Variants in HYDIN observed in about 807,000 individuals in gnomAD.
The protein encoded by HYDIN is HYDIN axonemal central pair apparatus protein, also known as axonemal central pair apparatus protein HYDIN.
In HYDIN, 132 loss-of-function variants were observed where a neutral mutation model predicts 403.9. That is an observed-to-expected ratio of 0.33 (90% CI 0.28 to 0.38). The LOEUF is 0.38. Ranked by LOEUF, HYDIN falls within the 10% of genes least tolerant of loss-of-function variation. HYDIN has a pLI of 1.00. For missense variants in HYDIN, 2,827 were observed against 5,009.5 expected, an observed-to-expected ratio of 0.56 and a Z score of 13.15; for synonymous variants, 1,202 against 1,891.7, an observed-to-expected ratio of 0.64 and a Z score of 9.46.
At chr16:71,038,799 C>T (rs1188247419) in intron 18 of HYDIN, among the ~76,000 whole-genome samples, 2 of 151,712 alleles carry the variant, frequency 1.3e-5, no homozygotes. Context: ...TAGCTGATTA[C>T]AGGCATGTGC....
intron 41 of HYDIN, among the ~76,000 whole-genome samples, chr16:70,946,893 T>C (rs536517567): frequency 6.6e-6 from 1 of 152,310 alleles, no homozygotes; most frequent in East Asian, 1.9e-4. Context: ...TGATTTTGTA[T>C]CCTGAGACTT....
At chr16:71,011,194 A>C (rs2080070151) in intron 23 of HYDIN, among the ~76,000 whole-genome samples, 1 of 152,024 alleles carries the variant, frequency 6.6e-6, no homozygotes, top group Non-Finnish European at 1.5e-5. Context: ...AACAGCCACC[A>C]ATTTGGGAGT....
At chr16:70,992,423 TA>T (rs1355156902) in intron 23 of HYDIN, among the ~76,000 whole-genome samples, 3 of 138,486 alleles carry the variant, frequency 2.2e-5, no homozygotes, top group African/African-American at 8.9e-5. Flanking sequence ...ACTACCAGTC[TA>T]GGCCCAACTT....
rs559045097 is a variant in HYDIN, at chr16:70,822,575, A to G, written c.14428-4003T>C. Among the ~76,000 whole-genome samples, 5 of 152,358 alleles carry G rather than the reference A, an allele frequency of 3.3e-5. No individual in the cohort carries two copies. The South Asian group carries it at 1.0e-3, about 32-fold the overall frequency. ...TTGAAAGAAGTTATATTGTGGGTAA[A>G]ATGCTTTCAAACAGCATCACATGTT... On this transcript the variant is annotated intron_variant, in intron 83 of 85. Transcript: ENST00000393567.
At chr16:71,100,202 T>C (rs2083413713) in intron 10 of HYDIN, among the ~76,000 whole-genome samples, 1 of 152,172 alleles carries the variant, frequency 6.6e-6, no homozygotes, top group Non-Finnish European at 1.5e-5. Flanking sequence ...GCAAAAGTTG[T>C]AAAACTTTAT....
chr16:70,997,375 G>GT (rs1425217313), intron 23 of HYDIN, among the ~76,000 whole-genome samples: 1 of 139,354 alleles, frequency 7.2e-6, no homozygotes, highest in Non-Finnish European at 1.5e-5. Context: ...TGGGAGCAGC[G>GT]TATGTGTAGG....
chr16:70,808,061 G>A lies in HYDIN; in HGVS notation c.14885C>T (p.Thr4962Ile), dbSNP rs1193125051. The A allele has an allele frequency of 1.9e-6, 3 of 1,598,602 alleles. No individual in the cohort carries two copies. In the African/African-American group the frequency reaches 4.0e-5, roughly 21 times the overall value. ...TRQRTEYYCR[T>I]DCTDFHAEKL... Reference sequence around the variant, plus strand: ...TTCTGCGTGGAAGTCTGTACAGTCGGTCTGAAAGGGGAACAAACAAACTCA... The same window carrying A: ...TTCTGCGTGGAAGTCTGTACAGTCGATCTGAAAGGGGAACAAACAAACTCA... The change falls in exon 86 of 86, where the codon ACC (threonine) becomes ATC (isoleucine). Residue 4962 changes from threonine to isoleucine, a missense_variant and splice_region_variant. Transcript: ENST00000393567.
At position 70,988,937 on chromosome 16, in the gene HYDIN, G is replaced by T. The variant is rs527405654; in HGVS notation, c.3865-425C>A. Among the ~76,000 whole-genome samples the T allele has an allele frequency of 8.4e-4, 128 of 151,966 alleles. 1 individual carries two copies. Among genetic ancestry groups the T allele is most frequent in the African/African-American group, 3.0e-3 (124 of 41,382 alleles). On this transcript the variant is annotated intron_variant, in intron 25 of 85. Transcript: ENST00000393567. ...GGCAAATAGAAATATCTGGGAGGTT[G>T]TTTGCTAAGAATTTCGTAGCATTTT...
At chr16:71,073,198 G>A (rs144319423) in intron 13 of HYDIN, among the ~76,000 whole-genome samples, 2,772 of 152,202 alleles carry the variant, frequency 0.018, 64 homozygotes, top group African/African-American at 0.06. Context: ...GATGCCTGAC[G>A]TTACTGATTC....
intron 10 of HYDIN, among the ~76,000 whole-genome samples, chr16:71,099,881 T>C (rs755360070): frequency 1.3e-5 from 2 of 152,212 alleles, no homozygotes; most frequent in East Asian, 1.9e-4. Flanking sequence ...AGTGAGCCTG[T>C]AGTCCCAGCT....
intron 8 of HYDIN, among the ~76,000 whole-genome samples, chr16:71,130,176 A>T (rs1457193645): frequency 1.3e-5 from 2 of 152,204 alleles, no homozygotes; most frequent in East Asian, 1.9e-4. Context: ...TCTGCCCCTC[A>T]CATGGCAAGG....
intron 57 of HYDIN, 125 bp from the exon 58 acceptor site, chr16:70,889,829 A>G (rs1203689623): frequency 2.8e-6 from 2 of 721,968 alleles, no homozygotes; most frequent in South Asian, 1.7e-5. Context: ...TCTTTGCCCA[A>G]GAGGACACTG....
At position 70,981,509 on chromosome 16, in the gene HYDIN, A is replaced by T; in HGVS notation, c.4392T>A (p.Pro1464=). The T allele has an allele frequency of 1.2e-6, 2 of 1,613,666 alleles. No homozygotes were observed. Among genetic ancestry groups the T allele is most frequent in the South Asian group, 2.2e-5 (2 of 91,040 alleles). Residue 1464 remains proline, a synonymous_variant, in exon 29 of 86, where the codon CCT becomes CCA. Transcript: ENST00000393567. The part of the protein sequence containing the change: ...VLKVYYLPGV[P]EVFKRSFQIQ... Reference sequence around the variant, plus strand: ...TCTGGAAACTCCTTTTAAAGACCTCAGGTACTCCAGGTAGGTAGTAAACTT... The same window carrying T: ...TCTGGAAACTCCTTTTAAAGACCTCTGGTACTCCAGGTAGGTAGTAAACTT...
chr16:71,026,742 A>C (rs1202570449), intron 20 of HYDIN, among the ~76,000 whole-genome samples: 1 of 152,272 alleles, frequency 6.6e-6, no homozygotes. Flanking sequence ...TGAAGAAATA[A>C]TCTAATGAAA....
chr16:70,948,203 G>A (rs1472024192), intron 41 of HYDIN, among the ~76,000 whole-genome samples: 4 of 148,152 alleles, frequency 2.7e-5, no homozygotes, highest in Admixed American at 1.3e-4. Flanking sequence ...ACAAGCAATG[G>A]GGAAAGGATT....
intron 1 of HYDIN, among the ~76,000 whole-genome samples, chr16:71,214,762 T>C (rs2144741135): frequency 6.6e-6 from 1 of 152,338 alleles, no homozygotes; most frequent in South Asian, 2.1e-4. Context: ...AGGGTCCCAG[T>C]GGGACAAAAC....
intron 12 of HYDIN, among the ~76,000 whole-genome samples, chr16:71,083,748 T>G (rs2082853358): frequency 6.6e-6 from 1 of 152,034 alleles, no homozygotes; most frequent in African/African-American, 2.4e-5. Flanking sequence ...GATGAAGTCT[T>G]GTGTCATCCA....
rs1287211466 is a variant in HYDIN at position 71,084,357 on chromosome 16, G to T, written c.1670+3944C>A. On this transcript the variant is annotated intron_variant, in intron 12 of 85. Coordinates refer to ENST00000393567, the MANE Select transcript of HYDIN (RefSeq NM_001270974.2). ...TTATCTGAAAACTATTGCTTATTTG[G>T]TTTTTGGATATGGATATTTAACCCT... 9.7e-5 allele frequency among the ~76,000 whole-genome samples: 11 copies of T among 113,184 alleles called. 1 individual carries two copies. Among genetic ancestry groups the T allele is most frequent in the Non-Finnish European group, 1.5e-4 (9 of 61,020 alleles). 74.3% of individuals were successfully genotyped at this position (113,184 alleles called of 152,430 possible).
chr16:70,960,386 CAG>C (rs1234132661), intron 38 of HYDIN, among the ~76,000 whole-genome samples: 1 of 138,966 alleles, frequency 7.2e-6, no homozygotes, highest in Admixed American at 7.4e-5. Context: ...GTAGTTTTGG[CAG>C]AGACTGTATA....
Sources: allele counts gnomAD v4.1 joint callset (sites outside exome capture counted in the v4.1 genomes callset), GRCh38; gene constraint gnomAD v4.1.1; transcripts MANE v1.5; gene names NCBI Gene and HGNC (gene_info 2026-07-23, HGNC 2026-07-21).